The following MAP3K1 variants were observed in gnomAD, a reference collection of about 807,000 sequenced individuals.
MAP3K1 encodes mitogen-activated protein kinase kinase kinase 1, also known as MAP/ERK kinase kinase 1.
Under a neutral mutation model 144.2 loss-of-function variants are expected in MAP3K1, and 36 were observed. The ratio of observed to expected loss-of-function variants is 0.25; its 90% CI spans 0.19 to 0.33. MAP3K1 has a LOEUF of 0.33. Among genes scored for constraint, MAP3K1 ranks in the 10% least tolerant of loss-of-function variants. The pLI is 1.00. For synonymous variants in MAP3K1, 718 were observed against 688.7 expected (o/e 1.04, Z -0.67); for missense variants, 1,650 against 1,881.9 (o/e 0.88, Z 2.28).
At chr5:56,835,634 A>G (rs754453241) in intron 1 of MAP3K1, among the ~76,000 whole-genome samples, 3 of 151,758 alleles carry the variant, frequency 2.0e-5, no homozygotes, top group Non-Finnish European at 4.4e-5. Context: ...AAACCTGGAG[A>G]AGGAGGGAGA....
intron 10 of MAP3K1, among the ~76,000 whole-genome samples, chr5:56,876,718 C>T (rs1006989519): frequency 6.6e-6 from 1 of 152,146 alleles, no homozygotes; most frequent in Non-Finnish European, 1.5e-5. Context: ...AGTTTTCTCA[C>T]CCATAAAATA....
chr5:56,882,029 AAC>A lies in MAP3K1; in HGVS notation c.2831_2832del (p.Thr944AsnfsTer59), dbSNP rs759127433. 12 of 1,596,590 alleles carry A rather than the reference AAC, an allele frequency of 7.5e-6. No homozygotes were observed. The highest frequency in any genetic ancestry group is 9.4e-6 in the Non-Finnish European group (11 of 1,167,012). On this transcript the variant is annotated frameshift_variant, in exon 14 of 20. Transcript: ENST00000399503. LOFTEE classifies it high-confidence loss of function. The part of the protein sequence containing the change: ...ISVGPSSSTT[T>X]TTTTTEQPKP... ...CAGTAGGACCTTCTAGTTCAACAACAACAACAACAACAACAACAGAGCAACCA... is the reference window on the plus strand; with the variant it reads ...CAGTAGGACCTTCTAGTTCAACAACAAACAACAACAACAACAGAGCAACCA...
intron 1 of MAP3K1, among the ~76,000 whole-genome samples, chr5:56,816,754 T>C (rs1055259118): frequency 6.6e-6 from 1 of 152,120 alleles, no homozygotes; most frequent in Non-Finnish European, 1.5e-5. Context: ...AGGCTTGCAG[T>C]CTTTTAGGAA....
At chr5:56,851,998 G>C (rs575132706) in intron 1 of MAP3K1, 1 of 151,978 alleles carries the variant, frequency 6.6e-6, no homozygotes, top group Admixed American at 6.6e-5. Context: ...ACCATGCAGC[G>C]GGAGAGCAGC....
At chr5:56,830,383 T>A (rs1175111299) in intron 1 of MAP3K1, among the ~76,000 whole-genome samples, 1 of 152,194 alleles carries the variant, frequency 6.6e-6, no homozygotes, top group Non-Finnish European at 1.5e-5. Flanking sequence ...TTTCTTGTTT[T>A]ACTTTCCCTC....
chr5:56,833,813 C>G (rs1036403852), intron 1 of MAP3K1, among the ~76,000 whole-genome samples: 11 of 152,068 alleles, frequency 7.2e-5, no homozygotes, highest in African/African-American at 2.4e-4. Context: ...AGGCCAGCAT[C>G]TAGTATTAAG....
At chr5:56,875,757 T>C (rs1230217352) in intron 10 of MAP3K1, among the ~76,000 whole-genome samples, 1 of 152,124 alleles carries the variant, frequency 6.6e-6, no homozygotes, top group African/African-American at 2.4e-5. Context: ...CTTGCTAATT[T>C]TTAAAGATTT....
intron 1 of MAP3K1, among the ~76,000 whole-genome samples, chr5:56,855,021 C>T (rs1010973799): frequency 1.8e-4 from 28 of 152,170 alleles, no homozygotes; most frequent in African/African-American, 6.5e-4. Flanking sequence ...AGCTGAGCCT[C>T]CTGGAATACC....
chr5:56,887,592 T>C (rs1474163782), intron 18 of MAP3K1, 72 bp downstream of exon 18: 5 of 1,511,922 alleles, frequency 3.3e-6, no homozygotes, highest in Admixed American at 3.3e-5. Flanking sequence ...TACTAAATTA[T>C]CTTGCAGTGG....
intron 1 of MAP3K1, among the ~76,000 whole-genome samples, chr5:56,855,324 A>G (rs143250730): frequency 1.3e-5 from 2 of 152,188 alleles, no homozygotes; most frequent in South Asian, 2.1e-4. Context: ...AAAGTCTCAT[A>G]TTGCTTCTAT....
chr5:56,821,808 C>T (rs952628723), intron 1 of MAP3K1, among the ~76,000 whole-genome samples: 21 of 152,332 alleles, frequency 1.4e-4, no homozygotes, highest in African/African-American at 4.8e-4. Context: ...TTATCTGATT[C>T]TTTGCACCAT....
chr5:56,870,532 T>G (rs1747819729), intron 6 of MAP3K1, among the ~76,000 whole-genome samples: 1 of 152,218 alleles, frequency 6.6e-6, no homozygotes, highest in South Asian at 2.1e-4. Context: ...ATGAAACTCT[T>G]CTTTGCACAC....
At chr5:56,887,144 A>G (rs1381366332) in intron 17 of MAP3K1, among the ~76,000 whole-genome samples, 2 of 152,230 alleles carry the variant, frequency 1.3e-5, no homozygotes, top group Admixed American at 6.5e-5. Flanking sequence ...TGTTGAAGTA[A>G]TTTTATAACT....
chr5:56,878,800 C>T (rs1438131360), intron 10 of MAP3K1, among the ~76,000 whole-genome samples, 180 bp from the exon 11 acceptor site: 10 of 151,914 alleles, frequency 6.6e-5, no homozygotes, highest in Admixed American at 6.6e-5. Context: ...CCTTCCTGCC[C>T]CATTCATTTA....
At chr5:56,866,727 T>C (rs1747685798) in intron 6 of MAP3K1, among the ~76,000 whole-genome samples, 1 of 152,098 alleles carries the variant, frequency 6.6e-6, no homozygotes, top group Middle Eastern at 3.2e-3. Context: ...ACCTCAAAAT[T>C]CATGAAGAAT....
intron 1 of MAP3K1, among the ~76,000 whole-genome samples, chr5:56,839,820 T>C (rs190993434): frequency 6.6e-6 from 1 of 152,198 alleles, no homozygotes; most frequent in Admixed American, 6.5e-5. Context: ...TACCCAGGGC[T>C]AGTTCAAGTC....
rs1748372327 is a variant in MAP3K1, at chr5:56,886,142, A to G, written c.4114+79A>G. ...TTTGGGGCCAGGCACAGTGGCTCAC[A>G]CCTGTAATCCCAGTACTTTGGGAGG... is the stretch of plus-strand genomic sequence containing the variant. On this transcript the variant is annotated intron_variant, in intron 17 of 19. Coordinates refer to ENST00000399503, the MANE Select transcript of MAP3K1 (RefSeq NM_005921.2). 3.5e-6 allele frequency: 4 copies of G among 1,153,684 alleles called. No individual in the cohort carries two copies. The East Asian group carries it at 7.7e-5, about 22-fold the overall frequency. The allele number at this position is 1,153,684 out of a possible 1,614,324, so 71.5% of individuals were successfully genotyped here.
chr5:56,889,318 G>A (rs960721813), intron 19 of MAP3K1, among the ~76,000 whole-genome samples: 4 of 152,018 alleles, frequency 2.6e-5, no homozygotes, highest in African/African-American at 4.8e-5. Flanking sequence ...ACAGGCACGC[G>A]CCACCATGCC....
rs756966178 is a variant in MAP3K1 at position 56,886,012 on chromosome 5, C to T, written c.4063C>T (p.Arg1355Cys). 22 of 1,611,808 alleles carry T rather than the reference C, an allele frequency of 1.4e-5. No homozygotes were observed. Among genetic ancestry groups the T allele is most frequent in the East Asian group, 2.2e-5 (1 of 44,854 alleles). ...TATTAACTACACTGAACAGTTACTC[C>T]GTGGCCTTTCGTATCTCCATGAAAA... Reference protein sequence around the residue: ...VVINYTEQLLRGLSYLHENQI... With the variant: ...VVINYTEQLLCGLSYLHENQI... The change falls in exon 17 of 20, where the codon CGT becomes TGT. Residue 1355 changes from arginine to cysteine, a missense_variant. Physicochemically the swap from Arg to Cys is radical, Grantham distance 180. Transcript: ENST00000399503.
Sources: allele counts gnomAD v4.1 joint callset (sites outside exome capture counted in the v4.1 genomes callset), GRCh38; gene constraint gnomAD v4.1.1; transcripts MANE v1.5; gene names NCBI Gene and HGNC (gene_info 2026-07-23, HGNC 2026-07-21).